Variants in UEVLD observed in about 807,000 individuals in gnomAD.
UEVLD encodes UEV and lactate/malate dehyrogenase domains, also known as ubiquitin-conjugating enzyme E2 variant 3.
UEVLD carries 47 observed loss-of-function variants against 58.6 expected under a neutral mutation model. That is an observed-to-expected ratio of 0.80 (90% CI 0.63 to 1.02). The LOEUF (loss-of-function observed/expected upper bound fraction) is 1.02. UEVLD is among the 50% of genes least tolerant of loss of function. The pLI is 0.00. For missense variants in UEVLD, 510 were observed against 550.6 expected, an observed-to-expected ratio of 0.93 and a Z score of 0.74; for synonymous variants, 197 against 195.3, an observed-to-expected ratio of 1.01 and a Z score of -0.07.
At chr11:18,532,576 G>C (rs914369654) in intron 11 of UEVLD, 89 bp from the exon 12 acceptor site, 14 of 1,132,328 alleles carry the variant, frequency 1.2e-5, no homozygotes, top group Middle Eastern at 5.8e-4. Context: ...TTCTTAACTA[G>C]GACAAAGTGA....
chr11:18,562,557 AAAT>A (rs1393612984), intron 6 of UEVLD, among the ~76,000 whole-genome samples: 1 of 151,764 alleles, frequency 6.6e-6, no homozygotes, highest in East Asian at 2.0e-4. Context: ...AAAAAAAAAA[AAAT>A]TTTTTTTGTA....
intron 1 of UEVLD, among the ~76,000 whole-genome samples, chr11:18,581,411 T>C (rs1354372703): frequency 2.6e-5 from 4 of 151,080 alleles, no homozygotes; most frequent in African/African-American, 4.9e-5. Context: ...AAGCCAGGCA[T>C]GGTGGCTCAC....
At chr11:18,573,830 A>G (rs1327655932) in intron 3 of UEVLD, among the ~76,000 whole-genome samples, 22 of 152,170 alleles carry the variant, frequency 1.4e-4, no homozygotes, top group Non-Finnish European at 2.8e-4. Flanking sequence ...CACCTACTTT[A>G]AAAGAAGTCC....
chr11:18,572,285 T>C (rs933730963), intron 3 of UEVLD, among the ~76,000 whole-genome samples: 1 of 151,882 alleles, frequency 6.6e-6, no homozygotes, highest in Admixed American at 6.6e-5. Context: ...AAAAAATGAG[T>C]GTTTGAAGAA....
chr11:18,535,520 T>C (rs1033607209), intron 10 of UEVLD, among the ~76,000 whole-genome samples: 1 of 152,154 alleles, frequency 6.6e-6, no homozygotes, highest in Non-Finnish European at 1.5e-5. Context: ...CTTTTTCCAG[T>C]TGTTATATTC....
chr11:18,555,412 C>T (rs114966259), intron 7 of UEVLD, among the ~76,000 whole-genome samples: 3,716 of 149,120 alleles, frequency 0.025, 164 homozygotes, highest in African/African-American at 0.088. Flanking sequence ...GGTGAAAGTG[C>T]GAGACTGTCT....
chr11:18,539,436 CAACTT>C (rs2133962519), intron 9 of UEVLD, among the ~76,000 whole-genome samples: 1 of 152,098 alleles, frequency 6.6e-6, no homozygotes, highest in South Asian at 2.1e-4. Flanking sequence ...TACATATGGA[CAACTT>C]AAGGGATTTT....
chr11:18,531,320 T>C lies in UEVLD; in HGVS notation c.*1000A>G, dbSNP rs1850551532. ...ATAAAGTGCTTATCATGCTGCCTGG[T>C]ATATATGAAGTGTTGATGTTAACTG... On this transcript the variant is annotated 3_prime_UTR_variant, in exon 12 of 12. Coordinates refer to ENST00000396197, the MANE Select transcript of UEVLD (RefSeq NM_001040697.4). 6.6e-6 allele frequency: 1 copy of C among 152,206 alleles called. No homozygotes were observed. The highest frequency in any genetic ancestry group is 2.4e-5 in the African/African-American group (1 of 41,446). 9.4% of individuals were successfully genotyped at this position (152,206 alleles called of 1,614,324 possible). A position where few individuals can be genotyped will look rare whatever the true frequency, so the allele number is the denominator to read the frequency against.
At chr11:18,564,652 T>C (rs575615470) in intron 6 of UEVLD, among the ~76,000 whole-genome samples, 17 of 152,340 alleles carry the variant, frequency 1.1e-4, no homozygotes, top group African/African-American at 4.1e-4. Context: ...GAATGTCAAA[T>C]TGAGCTTTCC....
At chr11:18,543,112 C>T (rs148291367) in intron 9 of UEVLD, among the ~76,000 whole-genome samples, 1 of 152,060 alleles carries the variant, frequency 6.6e-6, no homozygotes, top group East Asian at 1.9e-4. Context: ...AGGATGGTCT[C>T]GATCTCCTGA....
chr11:18,573,698 T>C (rs187793554), intron 3 of UEVLD, among the ~76,000 whole-genome samples: 3 of 152,280 alleles, frequency 2.0e-5, no homozygotes. Flanking sequence ...GGAGGTATCA[T>C]GGTGGGACAT....
chr11:18,549,622 T>C (rs1279400465), intron 7 of UEVLD, among the ~76,000 whole-genome samples: 4 of 151,932 alleles, frequency 2.6e-5, no homozygotes, highest in Non-Finnish European at 5.9e-5. Flanking sequence ...TTTCACCATG[T>C]TGGCCAGGCT....
Position 18,565,397 on chromosome 11 carries a change from T to C in UEVLD, c.494-387A>G, listed in dbSNP as rs142624410. Among the ~76,000 whole-genome samples, 754 of 152,358 alleles carry C rather than the reference T, an allele frequency of 4.9e-3. 7 individuals are homozygous for C. Among genetic ancestry groups the C allele is most frequent in the African/African-American group, 0.017 (721 of 41,588 alleles). On this transcript the variant is annotated intron_variant, in intron 5 of 11. Coordinates refer to ENST00000396197, the MANE Select transcript of UEVLD (RefSeq NM_001040697.4). The stretch of plus-strand genomic sequence containing the variant: ...TTGCCTTTATTCTTGATGAGAATCA[T>C]AGATATTCTGATCCAATATATTGAA...
At chr11:18,581,053 T>C (rs1196766567) in intron 1 of UEVLD, among the ~76,000 whole-genome samples, 2 of 151,832 alleles carry the variant, frequency 1.3e-5, no homozygotes, top group Admixed American at 6.6e-5. Flanking sequence ...TCCCAGCTAC[T>C]TGCGAGGCTG....
chr11:18,573,333 A>C (rs1454444583), intron 3 of UEVLD, among the ~76,000 whole-genome samples: 1 of 152,196 alleles, frequency 6.6e-6, no homozygotes, highest in East Asian at 1.9e-4. Context: ...ATTAGCCTTT[A>C]TCTCTCAGAA....
intron 7 of UEVLD, among the ~76,000 whole-genome samples, chr11:18,550,021 A>C (rs7951508): frequency 6.8e-6 from 1 of 147,484 alleles, no homozygotes; most frequent in Non-Finnish European, 1.5e-5. Flanking sequence ...GGGGTTTCAC[A>C]ATGTTGGCCA....
At chr11:18,543,047 C>T (rs1489495172) in intron 9 of UEVLD, among the ~76,000 whole-genome samples, 1 of 151,976 alleles carries the variant, frequency 6.6e-6, no homozygotes, top group Non-Finnish European at 1.5e-5. Flanking sequence ...CACGTGCTGC[C>T]ATGCCTAGCT....
chr11:18,545,074 A>ATATATATATTT (rs1345787784), intron 8 of UEVLD, among the ~76,000 whole-genome samples: 24 of 84,548 alleles, frequency 2.8e-4, no homozygotes, highest in African/African-American at 5.3e-4. Flanking sequence ...CTATATCTAT[A>ATATATATATTT]TTTTTTTTTT....
intron 7 of UEVLD, among the ~76,000 whole-genome samples, chr11:18,550,568 C>T (rs1851482096): frequency 6.6e-6 from 1 of 152,196 alleles, no homozygotes; most frequent in Non-Finnish European, 1.5e-5. Flanking sequence ...CAGTCCAAAT[C>T]TCTCCAATCC....
Sources: gnomAD v4.1 joint callset for allele counts (sites outside exome capture counted in the v4.1 genomes callset) on GRCh38, gnomAD v4.1.1 for gene constraint, MANE v1.5 for transcripts, NCBI Gene and HGNC (gene_info 2026-07-23, HGNC 2026-07-21) for gene names.